POLA1: variants seen among roughly 807,000 people sequenced by gnomAD.
POLA1 encodes the protein DNA polymerase alpha catalytic subunit.
A neutral mutation model predicts 124.0 loss-of-function variants in POLA1; 15 were observed. The ratio of observed to expected loss-of-function variants is 0.12; its 90% CI spans 0.08 to 0.19. The LOEUF is 0.19. Ranked by LOEUF, POLA1 falls within the 10% of genes least tolerant of loss-of-function variation. The pLI, the probability that POLA1 is intolerant of heterozygous loss-of-function variation, is 1.00. For missense variants in POLA1, 886 were observed against 1,103.4 expected (o/e 0.80, Z 2.79); for synonymous variants, 408 against 389.4 (o/e 1.05, Z -0.56).
At chrX:24,978,721 A>G (rs940858993) in intron 36 of POLA1, among the ~76,000 whole-genome samples, 1 of 112,125 alleles carries the variant, frequency 8.9e-6, no homozygotes, top group African/African-American at 3.2e-5. Context: ...TTGCAACCCC[A>G]ATAGTCTGGC....
chrX:24,864,981 AGGTG>A (rs919282589), intron 34 of POLA1, among the ~76,000 whole-genome samples: 2 of 111,789 alleles, frequency 1.8e-5, no homozygotes, highest in African/African-American at 6.5e-5. Flanking sequence ...CAACCCTGTG[AGGTG>A]GGTGGTATTT....
intron 26 of POLA1, among the ~76,000 whole-genome samples, chrX:24,791,053 G>A (rs934321510): frequency 5.5e-5 from 6 of 108,986 alleles, no homozygotes; most frequent in Non-Finnish European, 1.9e-5. Context: ...ACTGTCAATC[G>A]GTGGCATAAT....
At chrX:24,940,316 C>T (rs1249121261) in intron 36 of POLA1, among the ~76,000 whole-genome samples, 1 of 111,692 alleles carries the variant, frequency 9.0e-6, no homozygotes, top group Non-Finnish European at 1.9e-5. Flanking sequence ...CGTTTTTGGT[C>T]TGTAGGAGCC....
chrX:24,907,027 G>A (rs1048003064), intron 35 of POLA1, among the ~76,000 whole-genome samples: 7 of 111,094 alleles, frequency 6.3e-5, no homozygotes, highest in Non-Finnish European at 1.3e-4. Context: ...ATCTGTACTA[G>A]AAATTTTTTT....
chrX:24,941,900 T>C (rs2047911956), intron 36 of POLA1, among the ~76,000 whole-genome samples: 1 of 112,423 alleles, frequency 8.9e-6, no homozygotes, highest in South Asian at 3.7e-4. Flanking sequence ...TGCTGGCTAA[T>C]TTTAGACACT....
chrX:24,822,178 TA>T (rs1048093626), intron 31 of POLA1, among the ~76,000 whole-genome samples: 7 of 111,044 alleles, frequency 6.3e-5, no homozygotes, highest in African/African-American at 2.3e-4. Context: ...AGCATGCCTA[TA>T]ATGGGTGAGG....
chrX:24,807,298 G>A (rs944442732), intron 26 of POLA1, among the ~76,000 whole-genome samples: 3 of 112,287 alleles, frequency 2.7e-5, no homozygotes, highest in Admixed American at 9.4e-5. Context: ...TAACAGTTAC[G>A]TTATGGTGTT....
intron 26 of POLA1, among the ~76,000 whole-genome samples, chrX:24,759,388 A>T (rs1932760530): frequency 8.9e-6 from 1 of 111,925 alleles, no homozygotes; most frequent in South Asian, 3.7e-4. Flanking sequence ...TGCATTTCAG[A>T]TGTTTTTTTG....
chrX:24,732,599 G>GA (rs1555978086), intron 16 of POLA1, 145 bp downstream of exon 16: 2 of 206,907 alleles, frequency 9.7e-6, no homozygotes, highest in Non-Finnish European at 1.6e-5. Flanking sequence ...GTTTTTTTTT[G>GA]TTTTTTTTTT....
At chrX:24,854,126 A>G (rs2046605717) in intron 34 of POLA1, among the ~76,000 whole-genome samples, 1 of 111,051 alleles carries the variant, frequency 9.0e-6, no homozygotes, top group African/African-American at 3.3e-5. Flanking sequence ...GCTCACTGCA[A>G]CCTCTGCCTC....
intron 31 of POLA1, among the ~76,000 whole-genome samples, 194 bp from the exon 32 acceptor site, chrX:24,826,233 T>G (rs2046168634): frequency 8.9e-6 from 1 of 111,818 alleles, no homozygotes; most frequent in Admixed American, 9.5e-5. Context: ...ATCTCAAGAT[T>G]GAGATGTTGT....
At chrX:24,708,262 C>G (rs1928945894) in intron 4 of POLA1, among the ~76,000 whole-genome samples, 1 of 110,804 alleles carries the variant, frequency 9.0e-6, no homozygotes, top group African/African-American at 3.3e-5. Context: ...AACATTTTGA[C>G]TATTAATTAC....
chrX:24,961,018 G>A (rs745658081), intron 36 of POLA1, among the ~76,000 whole-genome samples: 12 of 112,222 alleles, frequency 1.1e-4, no homozygotes, highest in Admixed American at 3.8e-4. Flanking sequence ...TTAATGTTCT[G>A]CATGTTTAGT....
intron 32 of POLA1, among the ~76,000 whole-genome samples, chrX:24,832,265 C>A (rs1601782049): frequency 9.0e-6 from 1 of 111,494 alleles, no homozygotes; most frequent in East Asian, 2.8e-4. Context: ...CAGGGGTAAC[C>A]TGTGTTATCT....
chrX:24,697,733 G>A (rs1248840635), intron 1 of POLA1, among the ~76,000 whole-genome samples: 4 of 111,019 alleles, frequency 3.6e-5, no homozygotes, highest in Non-Finnish European at 7.5e-5. Context: ...TAGTGGGGTT[G>A]GAGTTTTAGG....
Position 24,748,773 on chromosome X carries a change from G to C in POLA1, c.2842-97G>C. The C allele has an allele frequency of 6.8e-6, 6 of 883,219 alleles. No individual in the cohort carries two copies. In the South Asian group the frequency reaches 1.4e-4, roughly 20 times the overall value. The allele number at this position is 883,219 out of a possible 1,213,427, so 72.8% of individuals were successfully genotyped here. A position where few individuals can be genotyped will look rare whatever the true frequency, so the allele number is the denominator to read the frequency against. On this transcript the variant is annotated intron_variant, in intron 25 of 36. Transcript: ENST00000379068. ...TTCTTTTTTATTCAGGGATATTGAG[G>C]GTTTCCCTTTTTATTGGAGATCTAG... is the stretch of plus-strand genomic sequence containing the variant.
chrX:24,944,291 G>A (rs1321701362), intron 36 of POLA1, among the ~76,000 whole-genome samples: 2 of 111,361 alleles, frequency 1.8e-5, no homozygotes, highest in African/African-American at 6.5e-5. Context: ...CCCTATATGT[G>A]AGGGGTCATT....
intron 26 of POLA1, among the ~76,000 whole-genome samples, chrX:24,779,755 A>G (rs2045221387): frequency 8.9e-6 from 1 of 111,877 alleles, no homozygotes. Flanking sequence ...TATGAAACAG[A>G]TACTGCTATA....
At chrX:24,825,958 C>T (rs1236476107) in intron 31 of POLA1, among the ~76,000 whole-genome samples, 1 of 111,695 alleles carries the variant, frequency 9.0e-6, no homozygotes, top group Non-Finnish European at 1.9e-5. Flanking sequence ...AAATATTACT[C>T]CCGGGATCTT....
Sources: allele counts gnomAD v4.1 joint callset (sites outside exome capture counted in the v4.1 genomes callset), GRCh38; gene constraint gnomAD v4.1.1; transcripts MANE v1.5; gene names NCBI Gene and HGNC (gene_info 2026-07-23, HGNC 2026-07-21).